Variants in MUC4 observed in about 807,000 individuals in gnomAD.
MUC4 encodes the protein mucin-4.
In MUC4, 202 loss-of-function variants were observed where a neutral mutation model predicts 257.9. That is an observed-to-expected ratio of 0.78 (90% CI 0.70 to 0.88). MUC4 has a LOEUF of 0.88. MUC4 is among the 40% of genes least tolerant of loss of function. MUC4 has a pLI of 0.00. For missense variants in MUC4, 5,976 were observed against 6,513.7 expected (o/e 0.92, Z 2.84); for synonymous variants, 2,351 against 2,757.1 (o/e 0.85, Z 4.62).
At chr3:195,751,538 C>T in intron 21 of MUC4, 1 of 573,080 alleles carries the variant, frequency 1.7e-6, no homozygotes, top group South Asian at 2.1e-5. Context: ...GAGAATCTGA[C>T]ATGAATGGCC....
chr3:195,811,394 G>T (rs1169471739), intron 1 of MUC4, among the ~76,000 whole-genome samples: 1 of 151,822 alleles, frequency 6.6e-6, no homozygotes, highest in East Asian at 1.9e-4. Context: ...GGCTGGTCTC[G>T]AACTCCTGAC....
rs1281387045 is a variant in MUC4 at position 195,755,603 on chromosome 3, C to A, written c.15169-1231G>T. Among the ~76,000 whole-genome samples, 1 of 152,016 alleles carries A rather than the reference C, an allele frequency of 6.6e-6. No individual in the cohort carries two copies. Among genetic ancestry groups the A allele is most frequent in the African/African-American group, 2.4e-5 (1 of 41,378 alleles). Reference sequence around the variant, plus strand: ...TCAGCAAAGGCTGCGGCGCCGAGACCTCACCAAGCTCCCTGCGCTCCCCTT... The same window carrying A: ...TCAGCAAAGGCTGCGGCGCCGAGACATCACCAAGCTCCCTGCGCTCCCCTT... On this transcript the variant is annotated intron_variant, in intron 18 of 24. Transcript: ENST00000463781. This position sits in a 1 kb window ranked among gnomAD's most constrained non-coding sequence, Gnocchi z 5.0.
Position 195,774,229 on chromosome 3 carries a change from T to G in MUC4, c.13020A>C (p.Pro4340=). 6.2e-7 allele frequency: 1 copy of G among 1,606,306 alleles called. No homozygotes were observed. The highest frequency in any genetic ancestry group is 8.5e-7 in the Non-Finnish European group (1 of 1,176,760). The change falls in exon 4 of 25, where the codon CCA becomes CCC. Residue 4340 remains proline (P), a synonymous_variant. Coordinates refer to ENST00000463781, the MANE Select transcript of MUC4 (RefSeq NM_018406.7). ...FVRRTVDFTS[P]LFKPATGFPL... Reference sequence around the variant, plus strand: ...GGAAGCCAGTCGCCGGCTTGAAGAGTGGGGAGGTGAAGTCCACGGTCCTCC... The same window carrying G: ...GGAAGCCAGTCGCCGGCTTGAAGAGGGGGGAGGTGAAGTCCACGGTCCTCC...
At chr3:195,764,193 GT>G (rs1719890468) in intron 10 of MUC4, 29 bp from the exon 11 acceptor site, 1 of 1,552,288 alleles carries the variant, frequency 6.4e-7, no homozygotes, top group Non-Finnish European at 8.7e-7. Context: ...AGTCGGGGAG[GT>G]TGAGGACCTG....
chr3:195,811,627 C>T, intron 1 of MUC4, 109 bp downstream of exon 1: 2 of 936,302 alleles, frequency 2.1e-6, no homozygotes, highest in South Asian at 1.6e-5. Context: ...TCCCTTTCCC[C>T]TATTCTCTCT....
At chr3:195,761,950 C>T (rs946955741) in intron 14 of MUC4, 137 bp downstream of exon 14, 7 of 1,091,774 alleles carry the variant, frequency 6.4e-6, no homozygotes, top group African/African-American at 3.2e-5. Flanking sequence ...GCTCCCGGCC[C>T]GCTCTGTGCC....
chr3:195,799,367 C>T (rs774562397), intron 1 of MUC4, among the ~76,000 whole-genome samples: 5 of 152,054 alleles, frequency 3.3e-5, no homozygotes, highest in African/African-American at 1.2e-4. Context: ...TGGAGTGCAA[C>T]GGCACGATTT....
rs1485787381 is a variant in MUC4, at chr3:195,749,008, G to T, written c.15928C>A (p.Leu5310Met). ...FRCDGYKGYD[L>M]VYSPQSGFTC... is the part of the protein sequence containing the mutation. ...AAGCCGCTCTGGGGGCTGTAGACCA[G>T]GTCGTAGCCCTTGTAGCCATCGCAT... Residue 5310 changes from leucine (L) to methionine (M), a missense_variant, in exon 24 of 25, where the codon CTG becomes ATG. By Grantham distance (15) the Leu-to-Met change is conservative. Transcript: ENST00000463781. 6.2e-7 allele frequency: 1 copy of T among 1,609,910 alleles called. No individual in the cohort carries two copies. Among genetic ancestry groups the T allele is most frequent in the Non-Finnish European group, 8.5e-7 (1 of 1,178,026 alleles).
Position 195,751,396 on chromosome 3 carries a change from C to T in MUC4, c.15583-125G>A. The T allele has an allele frequency of 5.5e-6, 4 of 728,484 alleles. No individual in the cohort carries two copies. The South Asian group carries it at 6.3e-5, about 11-fold the overall frequency. The allele number at this position is 728,484 out of a possible 1,614,324, so 45.1% of individuals were successfully genotyped here. A position where few individuals can be genotyped will look rare whatever the true frequency, so the allele number is the denominator to read the frequency against. ...GAACGGGAGCCCCAGGACCCCAGCA[C>T]CTTCCTCACCTGTCTCTGCACCCTT... is the stretch of plus-strand genomic sequence containing the variant. On this transcript the variant is annotated intron_variant, in intron 21 of 24. Transcript: ENST00000463781.
At chr3:195,762,477 G>A (rs147056758) in intron 13 of MUC4, among the ~76,000 whole-genome samples, 3,110 of 150,128 alleles carry the variant, frequency 0.021, 87 homozygotes, top group African/African-American at 0.07. Flanking sequence ...GCCCTGCACC[G>A]CCACGCACCG....
At position 195,808,518 on chromosome 3, in the gene MUC4, C is replaced by A. The variant is rs939091503; in HGVS notation, c.82+3218G>T. Among the ~76,000 whole-genome samples, 4 of 152,284 alleles carry A rather than the reference C, an allele frequency of 2.6e-5. No homozygotes were observed. The East Asian group carries it at 7.7e-4, about 29-fold the overall frequency. ...CCGCGCCCGGCCCTTTATGCCTTTT[C>A]TACTTTACACCAGATGCTGTCTCGT... On this transcript the variant is annotated intron_variant, in intron 1 of 24. Transcript: ENST00000463781.
rs755503671 is a variant in MUC4, at chr3:195,780,743, C to A, written c.10837G>T (p.Asp3613Tyr). ...VTDTSSASTGDTTRLPVTDTS... is the reference protein window; with the variant it reads ...VTDTSSASTGYTTRLPVTDTS... Reference sequence around the variant, plus strand: ...TCCGTGACAGGAAGACGGGTGGTGTCACCTGTGGATGCTGAGGAAGTGTCG... The same window carrying A: ...TCCGTGACAGGAAGACGGGTGGTGTAACCTGTGGATGCTGAGGAAGTGTCG... The change falls in exon 2 of 25, where the codon GAC becomes TAC. Residue 3613 changes from aspartate to tyrosine, a missense_variant. By Grantham distance (160) the Asp-to-Tyr change is radical. Around this residue, in one of 44 missense-constraint regions of MUC4, gnomAD observed 59 missense variants for 149.8 expected, o/e 0.39. Coordinates refer to ENST00000463781, the MANE Select transcript of MUC4 (RefSeq NM_018406.7). The A allele has an allele frequency of 2.4e-6, 3 of 1,227,480 alleles. No homozygotes were observed. Among genetic ancestry groups the A allele is most frequent in the African/African-American group, 4.0e-5 (1 of 25,244 alleles). 76.0% of individuals were successfully genotyped at this position (1,227,480 alleles called of 1,614,324 possible). A position where few individuals can be genotyped will look rare whatever the true frequency, so the allele number is the denominator to read the frequency against.
At chr3:195,794,798 C>A (rs1734368765) in intron 1 of MUC4, among the ~76,000 whole-genome samples, 1 of 152,206 alleles carries the variant, frequency 6.6e-6, no homozygotes, top group Admixed American at 6.5e-5. Context: ...CAGACAGTAA[C>A]TTAGACTCTC....
Position 195,752,374 on chromosome 3 carries a change from G to C in MUC4, c.15581C>G (p.Ser5194Trp), listed in dbSNP as rs765914627. 12 of 1,612,842 alleles carry C rather than the reference G, an allele frequency of 7.4e-6. No homozygotes were observed. Among genetic ancestry groups the C allele is most frequent in the Non-Finnish European group, 1.0e-5 (12 of 1,178,766 alleles). ...ENASMAEVNASVAYRLGTLDM... is the reference protein window; with the variant it reads ...ENASMAEVNAWVAYRLGTLDM... ...CAGAGCGCGGCCTGCAGCACTGACC[G>C]AGGCGTTGACTTCTGCCATGGAGGC... Residue 5194 changes from serine (S) to tryptophan (W), a missense_variant and splice_region_variant, in exon 21 of 25, where the codon TCG (serine) becomes TGG (tryptophan). Around this residue, in one of 44 missense-constraint regions of MUC4, gnomAD observed 996 missense variants for 1,137.3 expected, o/e 0.88. Transcript: ENST00000463781.
intron 1 of MUC4, among the ~76,000 whole-genome samples, chr3:195,805,126 T>C (rs1735814947): frequency 6.6e-6 from 1 of 151,516 alleles, no homozygotes; most frequent in Non-Finnish European, 1.5e-5. Flanking sequence ...AGTGGTGCGA[T>C]CTCAGCTCAC....
chr3:195,793,431 G>A (rs993124103), intron 1 of MUC4, among the ~76,000 whole-genome samples: 4 of 152,098 alleles, frequency 2.6e-5, no homozygotes, highest in Non-Finnish European at 5.9e-5. Context: ...GAACCCAGGA[G>A]GTGGAGGTTG....
intron 1 of MUC4, among the ~76,000 whole-genome samples, chr3:195,802,785 C>G (rs894896690): frequency 1.3e-5 from 2 of 152,198 alleles, no homozygotes; most frequent in Admixed American, 6.5e-5. Flanking sequence ...CAAGGGATTT[C>G]TCGTTTCTGC....
chr3:195,785,970 G>C lies in MUC4; in HGVS notation c.5610C>G (p.Ala1870=), dbSNP rs1173479011. 6.6e-7 allele frequency: 1 copy of C among 1,512,842 alleles called. No individual in the cohort carries two copies. Among genetic ancestry groups the C allele is most frequent in the Non-Finnish European group, 8.9e-7 (1 of 1,125,792 alleles). 93.7% of individuals were successfully genotyped at this position (1,512,842 alleles called of 1,614,324 possible). ...AAGCGTCGGTGACAAGAAGAGAGGTGGCGTGACCTGTGGACACTGAGGAAG... is the reference window on the plus strand; with the variant it reads ...AAGCGTCGGTGACAAGAAGAGAGGTCGCGTGACCTGTGGACACTGAGGAAG... ...TDASSVSTGH[A]TSLLVTDASS... Residue 1870 remains alanine, a synonymous_variant, in exon 2 of 25, where the codon GCC becomes GCG. Coordinates refer to ENST00000463781, the MANE Select transcript of MUC4 (RefSeq NM_018406.7).
At chr3:195,748,838 AGT>A in intron 24 of MUC4, 62 bp downstream of exon 24, 2 of 1,471,316 alleles carry the variant, frequency 1.4e-6, no homozygotes, top group Non-Finnish European at 1.8e-6. Flanking sequence ...GACCCCTTGC[AGT>A]GTCTTGCCCA....
Sources: allele counts gnomAD v4.1 joint callset (sites outside exome capture counted in the v4.1 genomes callset), GRCh38; gene constraint gnomAD v4.1.1; regional missense constraint gnomAD v4.1.1; non-coding constraint Gnocchi (gnomAD v3.1); transcripts MANE v1.5; gene names NCBI Gene and HGNC (gene_info 2026-07-23, HGNC 2026-07-21).